The following PXDNL variants were observed in gnomAD, a reference collection of about 807,000 sequenced individuals.
PXDNL encodes the protein peroxidasin like.
Under a neutral mutation model 150.8 loss-of-function variants are expected in PXDNL, and 145 were observed. The observed-to-expected ratio is 0.96, with a 90% CI of 0.84 to 1.10. The LOEUF is 1.10. Among genes scored for constraint, PXDNL ranks in the 50% least tolerant of loss-of-function variants. The pLI, the probability that PXDNL is intolerant of heterozygous loss-of-function variation, is 0.00. For synonymous variants in PXDNL, 757 were observed against 725.7 expected (o/e 1.04, Z -0.69); for missense variants, 2,087 against 1,873.9 (o/e 1.11, Z -2.10).
intron 12 of PXDNL, chr8:51,436,307 G>C (rs1290509449): frequency 2.1e-6 from 1 of 477,306 alleles, no homozygotes; most frequent in African/African-American, 2.0e-5. Flanking sequence ...ATAGGACCTT[G>C]TTTTGTCTTA....
intron 1 of PXDNL, among the ~76,000 whole-genome samples, chr8:51,687,964 G>A (rs1815912203): frequency 6.6e-6 from 1 of 152,158 alleles, no homozygotes; most frequent in African/African-American, 2.4e-5. Context: ...TTTTAAAATA[G>A]CACAGATTTT....
intron 21 of PXDNL, among the ~76,000 whole-genome samples, chr8:51,326,313 C>T (rs1225158104): frequency 1.3e-5 from 2 of 152,122 alleles, no homozygotes; most frequent in African/African-American, 4.8e-5. Flanking sequence ...GCCTGGCCAA[C>T]ATGGTGAAAC....
chr8:51,479,565 C>T (rs1242863169), intron 6 of PXDNL, among the ~76,000 whole-genome samples: 2 of 152,132 alleles, frequency 1.3e-5, no homozygotes, highest in African/African-American at 4.8e-5. Flanking sequence ...AAAGCAGAGT[C>T]ATCATGGATG....
At chr8:51,713,300 T>C (rs1377834668) in intron 1 of PXDNL, among the ~76,000 whole-genome samples, 3 of 152,262 alleles carry the variant, frequency 2.0e-5, no homozygotes, top group South Asian at 2.1e-4. Flanking sequence ...AGGCATTCCT[T>C]ATCTCAGGTT....
At chr8:51,454,109 CA>C (rs75666938) in intron 9 of PXDNL, among the ~76,000 whole-genome samples, 78,603 of 152,012 alleles carry the variant, frequency 0.52, 24,908 homozygotes, top group Non-Finnish European at 0.69. Flanking sequence ...AGAATACTCA[CA>C]TTTTTTTAAA....
At chr8:51,712,040 G>T (rs544928549) in intron 1 of PXDNL, among the ~76,000 whole-genome samples, 4 of 152,222 alleles carry the variant, frequency 2.6e-5, no homozygotes, top group Admixed American at 6.5e-5. Context: ...TAAAACTAGG[G>T]GTTTAAATAG....
rs140054225 is a variant in PXDNL, at chr8:51,801,140, T to C, written c.164+8041A>G. On this transcript the variant is annotated intron_variant, in intron 1 of 22. Coordinates refer to ENST00000356297, the MANE Select transcript of PXDNL (RefSeq NM_144651.5). ...AAATATTAAGACCCTAGGAAAAGAA[T>C]TGCATTCCTGGGGGGAGGTCTATAA... Among the ~76,000 whole-genome samples, 648 of 152,240 alleles carry C rather than the reference T, an allele frequency of 4.3e-3. 3 individuals are homozygous for C. The highest frequency in any genetic ancestry group is 0.014 in the African/African-American group (572 of 41,550).
chr8:51,640,816 G>C (rs1344483916), intron 2 of PXDNL, among the ~76,000 whole-genome samples: 2 of 151,924 alleles, frequency 1.3e-5, no homozygotes, highest in African/African-American at 2.4e-5. Flanking sequence ...TCCCCATCAA[G>C]CTACCAATGA....
intron 22 of PXDNL, 79 bp from the exon 23 acceptor site, chr8:51,320,101 A>G: frequency 6.0e-6 from 7 of 1,161,846 alleles, no homozygotes; most frequent in Non-Finnish European, 7.8e-6. Flanking sequence ...GTTTCTTATA[A>G]TACATAATCT....
intron 1 of PXDNL, among the ~76,000 whole-genome samples, chr8:51,667,566 A>C (rs1815411286): frequency 6.6e-6 from 1 of 152,204 alleles, no homozygotes; most frequent in Admixed American, 6.5e-5. Flanking sequence ...AATTTTCCCT[A>C]CAGTGAGATC....
intron 21 of PXDNL, 57 bp downstream of exon 21, chr8:51,339,567 A>C (rs1805929432): frequency 6.5e-7 from 1 of 1,534,064 alleles, no homozygotes; most frequent in African/African-American, 1.4e-5. Flanking sequence ...CAAATCTTTT[A>C]TGTTTAGTTA....
chr8:51,423,507 T>G, intron 14 of PXDNL, 68 bp downstream of exon 14: 1 of 1,348,362 alleles, frequency 7.4e-7, no homozygotes, highest in Admixed American at 2.2e-5. Flanking sequence ...ATCAGTCAAA[T>G]AGGATTGGGG....
chr8:51,436,059 A>C (rs1281392370), intron 12 of PXDNL: 6 of 519,346 alleles, frequency 1.2e-5, no homozygotes, highest in Non-Finnish European at 2.0e-5. Flanking sequence ...GCCTAGCTGA[A>C]CTACAGATGA....
chr8:51,376,725 C>CTT (rs11330281), intron 17 of PXDNL, among the ~76,000 whole-genome samples: 1 of 143,468 alleles, frequency 7.0e-6, no homozygotes, highest in Non-Finnish European at 1.5e-5. Context: ...CTCTCTCTCT[C>CTT]TTTTTTTTTT....
chr8:51,574,093 G>A (rs75219696), intron 3 of PXDNL, among the ~76,000 whole-genome samples: 201 of 152,030 alleles, frequency 1.3e-3, no homozygotes, highest in African/African-American at 4.6e-3. Flanking sequence ...ACAGCAAGAT[G>A]ACAGAGACGT....
At chr8:51,325,082 T>A (rs1259729320) in intron 21 of PXDNL, among the ~76,000 whole-genome samples, 3 of 152,130 alleles carry the variant, frequency 2.0e-5, no homozygotes. Context: ...GTCAGACTGA[T>A]CTCAAACTCC....
intron 5 of PXDNL, among the ~76,000 whole-genome samples, chr8:51,496,989 C>T (rs150072067): frequency 0.013 from 1,967 of 152,210 alleles, 41 homozygotes; most frequent in African/African-American, 0.045. Flanking sequence ...CAATCCTAAG[C>T]CAAAAGAACA....
At chr8:51,741,935 C>T (rs1244295153) in intron 1 of PXDNL, among the ~76,000 whole-genome samples, 1 of 152,174 alleles carries the variant, frequency 6.6e-6, no homozygotes, top group African/African-American at 2.4e-5. Flanking sequence ...AATACCTTTA[C>T]ATAAAAGATC....
chr8:51,603,336 G>A (rs191347836), intron 2 of PXDNL, among the ~76,000 whole-genome samples: 342 of 151,430 alleles, frequency 2.3e-3, no homozygotes, highest in East Asian at 0.011. Context: ...TTACCATATC[G>A]ACTTTACCTA....
Sources: allele counts gnomAD v4.1 joint callset (sites outside exome capture counted in the v4.1 genomes callset), GRCh38; gene constraint gnomAD v4.1.1; transcripts MANE v1.5; gene names NCBI Gene and HGNC (gene_info 2026-07-23, HGNC 2026-07-21).